Variants in PPP1R9A observed in about 807,000 individuals in gnomAD.
PPP1R9A encodes the protein protein phosphatase 1 regulatory subunit 9A.
PPP1R9A carries 59 observed loss-of-function variants against 141.9 expected under a neutral mutation model. That is an observed-to-expected ratio of 0.42 (90% CI 0.34 to 0.52). PPP1R9A has a LOEUF of 0.52. Among genes scored for constraint, PPP1R9A ranks in the 20% least tolerant of loss-of-function variants. The pLI, the probability that PPP1R9A is intolerant of heterozygous loss-of-function variation, is 0.10. For missense variants in PPP1R9A, 1,444 were observed against 1,611.9 expected, an observed-to-expected ratio of 0.90 and a Z score of 1.78; for synonymous variants, 500 against 569.7, an observed-to-expected ratio of 0.88 and a Z score of 1.74.
At chr7:95,127,740 G>A (rs1050436885) in intron 4 of PPP1R9A, among the ~76,000 whole-genome samples, 3 of 151,982 alleles carry the variant, frequency 2.0e-5, no homozygotes, top group African/African-American at 7.3e-5. Context: ...CCAGGATTTA[G>A]CTCCCACTTA....
intron 5 of PPP1R9A, among the ~76,000 whole-genome samples, chr7:95,194,312 CAT>C (rs1835921570): frequency 6.6e-6 from 1 of 151,756 alleles, no homozygotes; most frequent in Non-Finnish European, 1.5e-5. Flanking sequence ...TATCTTTAAC[CAT>C]AAAAAACATA....
At chr7:95,235,853 A>T (rs1309671666) in intron 8 of PPP1R9A, among the ~76,000 whole-genome samples, 1 of 152,222 alleles carries the variant, frequency 6.6e-6, no homozygotes, top group Non-Finnish European at 1.5e-5. Flanking sequence ...AGCAACCTGG[A>T]TGGAATTGGA....
intron 2 of PPP1R9A, among the ~76,000 whole-genome samples, chr7:94,997,307 A>T (rs1317067854): frequency 6.6e-6 from 1 of 151,968 alleles, no homozygotes; most frequent in Non-Finnish European, 1.5e-5. Flanking sequence ...TATGAATCAC[A>T]TTTTAAAATT....
intron 2 of PPP1R9A, among the ~76,000 whole-genome samples, chr7:94,969,339 C>T (rs1798595662): frequency 6.6e-6 from 1 of 152,166 alleles, no homozygotes; most frequent in Non-Finnish European, 1.5e-5. Flanking sequence ...TGTGGACGTC[C>T]TTTTTGTTAA....
chr7:95,258,918 A>G (rs1329008517), intron 12 of PPP1R9A, among the ~76,000 whole-genome samples: 1 of 152,148 alleles, frequency 6.6e-6, no homozygotes, highest in South Asian at 2.1e-4. Flanking sequence ...TGGCCCGACA[A>G]ATTTACTTCG....
chr7:95,027,871 T>G (rs1807110586), intron 2 of PPP1R9A, among the ~76,000 whole-genome samples: 1 of 152,164 alleles, frequency 6.6e-6, no homozygotes, highest in Non-Finnish European at 1.5e-5. Flanking sequence ...CCCTCATTTT[T>G]GTGGTCTATT....
chr7:95,010,081 G>A (rs1050554027), intron 2 of PPP1R9A, among the ~76,000 whole-genome samples: 2 of 152,110 alleles, frequency 1.3e-5, no homozygotes, highest in African/African-American at 4.8e-5. Flanking sequence ...ATATCAAAGA[G>A]CATTTGCCTA....
intron 2 of PPP1R9A, among the ~76,000 whole-genome samples, chr7:95,064,743 A>C (rs549577376): frequency 1.3e-5 from 2 of 152,326 alleles, no homozygotes; most frequent in South Asian, 4.1e-4. Flanking sequence ...AATTGACTAC[A>C]AGTAGTTTTG....
chr7:94,949,891 C>T (rs1796276455), intron 2 of PPP1R9A, among the ~76,000 whole-genome samples: 1 of 151,576 alleles, frequency 6.6e-6, no homozygotes, highest in Non-Finnish European at 1.5e-5. Flanking sequence ...TGTTTTCTTT[C>T]CCCAGTAAAA....
At chr7:95,259,392 A>C (rs891308867) in intron 12 of PPP1R9A, among the ~76,000 whole-genome samples, 1 of 152,066 alleles carries the variant, frequency 6.6e-6, no homozygotes, top group African/African-American at 2.4e-5. Flanking sequence ...GAATAAGAAA[A>C]CCACAAAAGA....
intron 2 of PPP1R9A, among the ~76,000 whole-genome samples, chr7:95,068,651 C>G (rs1450835778): frequency 6.6e-6 from 1 of 152,116 alleles, no homozygotes; most frequent in Non-Finnish European, 1.5e-5. Flanking sequence ...ACTCAGGTCT[C>G]TGGCTTCCCT....
At chr7:95,029,403 AT>A (rs1423123856) in intron 2 of PPP1R9A, among the ~76,000 whole-genome samples, 2 of 152,218 alleles carry the variant, frequency 1.3e-5, no homozygotes, top group Non-Finnish European at 2.9e-5. Context: ...TTTATAAAAA[AT>A]ATTTGGAAAA....
intron 2 of PPP1R9A, among the ~76,000 whole-genome samples, chr7:94,969,579 T>C (rs1264022087): frequency 6.6e-6 from 1 of 152,110 alleles, no homozygotes; most frequent in Non-Finnish European, 1.5e-5. Context: ...GAGGTATCTG[T>C]CGACCCCTGC....
chr7:95,014,700 C>CACT (rs1804855258), intron 2 of PPP1R9A, among the ~76,000 whole-genome samples: 1 of 151,958 alleles, frequency 6.6e-6, no homozygotes, highest in Non-Finnish European at 1.5e-5. Flanking sequence ...ATGACTGAAG[C>CACT]ACTACTGCTT....
intron 2 of PPP1R9A, among the ~76,000 whole-genome samples, chr7:95,025,860 C>G (rs1806758800): frequency 6.6e-6 from 1 of 152,086 alleles, no homozygotes; most frequent in Non-Finnish European, 1.5e-5. Context: ...TCAGTTTGAT[C>G]AATTTGGCTA....
intron 2 of PPP1R9A, among the ~76,000 whole-genome samples, chr7:95,066,985 G>A (rs1356954949): frequency 6.6e-6 from 1 of 152,198 alleles, no homozygotes; most frequent in Non-Finnish European, 1.5e-5. Context: ...TGGGAAATCT[G>A]GATGGTATCG....
intron 2 of PPP1R9A, among the ~76,000 whole-genome samples, chr7:94,946,526 C>A (rs1262144577): frequency 6.6e-6 from 1 of 151,944 alleles, no homozygotes. Flanking sequence ...GGTGGTCTCA[C>A]TTCAGTTAAT....
intron 7 of PPP1R9A, among the ~76,000 whole-genome samples, chr7:95,209,554 A>T (rs1215557823): frequency 3.9e-5 from 6 of 152,334 alleles, no homozygotes; most frequent in Non-Finnish European, 1.5e-5. Context: ...CACAAACCAC[A>T]AGTCAGCCAT....
At chr7:95,236,542 T>A (rs2152976929) in intron 8 of PPP1R9A, among the ~76,000 whole-genome samples, 1 of 151,788 alleles carries the variant, frequency 6.6e-6, no homozygotes, top group African/African-American at 2.4e-5. Context: ...AAATAATTTT[T>A]AAGTATTGAA....
Sources: gnomAD v4.1 joint callset for allele counts (sites outside exome capture counted in the v4.1 genomes callset) on GRCh38, gnomAD v4.1.1 for gene constraint, MANE v1.5 for transcripts, NCBI Gene and HGNC (gene_info 2026-07-23, HGNC 2026-07-21) for gene names.